DSC1: variants seen among roughly 807,000 people sequenced by gnomAD.
The protein encoded by DSC1 is desmocollin 1.
DSC1 carries 79 observed loss-of-function variants against 98.8 expected under a neutral mutation model. The observed-to-expected ratio is 0.80, with a 90% CI of 0.67 to 0.96. DSC1 has a LOEUF of 0.96. DSC1 is among the 50% of genes least tolerant of loss of function. The pLI, the probability that DSC1 is intolerant of heterozygous loss-of-function variation, is 0.00. For missense variants in DSC1, 1,115 were observed against 1,075.9 expected (o/e 1.04, Z -0.51); for synonymous variants, 405 against 372.1 (o/e 1.09, Z -1.02).
rs769486740 is a variant in DSC1, at chr18:31,132,633, G to A, written c.2173C>T (p.Pro725Ser). The change falls in exon 14 of 16, where the codon CCA becomes TCA. Residue 725 changes from proline to serine, a missense_variant. Coordinates refer to ENST00000257198, the MANE Select transcript of DSC1 (RefSeq NM_024421.2). ...AAATTTTGCTGGGCTATGTCTTCTG[G>A]AAAACATTTCTTGACTGTTCTCTTA... ...TAKRTVKKCF[P>S]EDIAQQNLIV... 4.3e-6 allele frequency: 7 copies of A among 1,613,226 alleles called. No homozygotes were observed. The Admixed American group carries it at 1.2e-4, about 27-fold the overall frequency.
In DSC1 at chr18:31,131,702, T is replaced by C. The variant is rs16961335; in HGVS notation, c.2379A>G (p.Lys793=). Residue 793 remains lysine (K), a synonymous_variant, in exon 15 of 16, where the codon AAA becomes AAG. Coordinates refer to ENST00000257198, the MANE Select transcript of DSC1 (RefSeq NM_024421.2). ...ACTCCAAGGTCTGATGTCCACCTCC[T>C]TTGTTGGAATCCAAAGTGTAGCCTC... ...VKGGYTLDSN[K]GGGHQTLESV... 9.0e-3 allele frequency: 14,593 copies of C among 1,614,040 alleles called. 1,020 individuals are homozygous for C. The African/African-American group carries it at 0.16, about 18-fold the overall frequency.
At chr18:31,152,353 T>A (rs1989017671) in intron 5 of DSC1, among the ~76,000 whole-genome samples, 1 of 152,192 alleles carries the variant, frequency 6.6e-6, no homozygotes, top group Non-Finnish European at 1.5e-5. Context: ...TCCCTTCTTA[T>A]ATAACTATTC....
At chr18:31,130,816 A>T in intron 15 of DSC1, 105 bp from the exon 16 acceptor site, 2 of 1,612,082 alleles carry the variant, frequency 1.2e-6, no homozygotes, top group Non-Finnish European at 1.7e-6. Context: ...ATTTTTAATC[A>T]GAGTGTGTCC....
chr18:31,149,818 T>C (rs77655348), intron 5 of DSC1, among the ~76,000 whole-genome samples: 1,903 of 152,302 alleles, frequency 0.012, 34 homozygotes, highest in African/African-American at 0.044. Context: ...GAATGGAATG[T>C]ATTAAAATAA....
At chr18:31,133,466 A>C (rs1288711231) in intron 13 of DSC1, among the ~76,000 whole-genome samples, 1 of 152,148 alleles carries the variant, frequency 6.6e-6, no homozygotes, top group Non-Finnish European at 1.5e-5. Flanking sequence ...TATGGAACAG[A>C]AATATCTGAG....
At chr18:31,133,760 T>G in intron 13 of DSC1, 131 bp downstream of exon 13, 2 of 945,346 alleles carry the variant, frequency 2.1e-6, no homozygotes, top group Non-Finnish European at 3.0e-6. Flanking sequence ...CCCCAAGACA[T>G]AAAATAGATA....
At chr18:31,133,771 C>T in intron 13 of DSC1, 120 bp downstream of exon 13, 1 of 1,014,192 alleles carries the variant, frequency 9.9e-7, no homozygotes. Context: ...AAAATAGATA[C>T]AATATTTTTA....
chr18:31,131,490 A>T (rs1217378715), intron 15 of DSC1, 104 bp downstream of exon 15: 3 of 1,393,150 alleles, frequency 2.2e-6, no homozygotes, highest in African/African-American at 2.8e-5. Flanking sequence ...CAGGTAAAAG[A>T]TGTTGAATTC....
chr18:31,141,901 T>A (rs956258681), intron 9 of DSC1, 98 bp downstream of exon 9: 11 of 1,177,990 alleles, frequency 9.3e-6, no homozygotes, highest in Non-Finnish European at 1.3e-5. Flanking sequence ...GGCCTTGCAC[T>A]GCAGTAGTCT....
rs768315935 is a variant in DSC1 at position 31,134,007 on chromosome 18, C to T, written c.2000G>A (p.Cys667Tyr). 1 of 1,613,302 alleles carries T rather than the reference C, an allele frequency of 6.2e-7. No homozygotes were observed. Among genetic ancestry groups the T allele is most frequent in the Non-Finnish European group, 8.5e-7 (1 of 1,179,642 alleles). The change falls in exon 13 of 16, where the codon TGT becomes TAT. Residue 667 changes from cysteine to tyrosine, a missense_variant. Cys to Tyr is a radical substitution (Grantham distance 194). Coordinates refer to ENST00000257198, the MANE Select transcript of DSC1 (RefSeq NM_024421.2). ...THMLTVRVCD[C>Y]STPSECRMKD... ...CATTCTACACTCAGATGGAGTTGAA[C>T]AGTCACATACTCTCACTGTTAACAT...
intron 11 of DSC1, among the ~76,000 whole-genome samples, chr18:31,138,617 TAA>T (rs35838282): frequency 0.013 from 1,974 of 149,176 alleles, 35 homozygotes; most frequent in African/African-American, 0.046. Flanking sequence ...ATTTTGTTAT[TAA>T]AAAAAAAAAC....
chr18:31,131,375 G>A lies in DSC1; in HGVS notation c.2487+219C>T, dbSNP rs543349293. On this transcript the variant is annotated intron_variant, in intron 15 of 15. Coordinates refer to ENST00000257198, the MANE Select transcript of DSC1 (RefSeq NM_024421.2). ...TCCTTTGTAAACACATCTACATATG[G>A]CACTCCTAGATAAAGTTTTGTAAAC... is the stretch of plus-strand genomic sequence containing the variant. 14 of 604,010 alleles carry A rather than the reference G, an allele frequency of 2.3e-5. No individual in the cohort carries two copies. The African/African-American group carries it at 2.6e-4, about 11-fold the overall frequency. 37.4% of individuals were successfully genotyped at this position (604,010 alleles called of 1,614,324 possible). A position where few individuals can be genotyped will look rare whatever the true frequency, so the allele number is the denominator to read the frequency against.
At chr18:31,146,344 C>T (rs548209107) in intron 6 of DSC1, among the ~76,000 whole-genome samples, 1 of 152,224 alleles carries the variant, frequency 6.6e-6, no homozygotes, top group Admixed American at 6.5e-5. Flanking sequence ...TGGTATTTAG[C>T]TTTCTGTTTG....
chr18:31,148,384 A>T, intron 6 of DSC1, 114 bp downstream of exon 6: 1 of 1,301,400 alleles, frequency 7.7e-7, no homozygotes, highest in Non-Finnish European at 1.0e-6. Flanking sequence ...GTATGTAATC[A>T]GAAATACCAG....
rs115197940 is a variant in DSC1 at position 31,149,138 on chromosome 18, A to C, written c.628-496T>G. Reference sequence around the variant, plus strand: ...TAAAAATGTTAATAAAAGCATATACATACCAGAAATTCCATTTCAAAATGA... The same window carrying C: ...TAAAAATGTTAATAAAAGCATATACCTACCAGAAATTCCATTTCAAAATGA... On this transcript the variant is annotated intron_variant, in intron 5 of 15. Coordinates refer to ENST00000257198, the MANE Select transcript of DSC1 (RefSeq NM_024421.2). 9.8e-3 allele frequency among the ~76,000 whole-genome samples: 1,490 copies of C among 152,330 alleles called. 25 individuals are homozygous for C. The highest frequency in any genetic ancestry group is 0.035 in the African/African-American group (1,442 of 41,578).
chr18:31,147,519 C>T (rs987993567), intron 6 of DSC1, among the ~76,000 whole-genome samples: 3 of 151,944 alleles, frequency 2.0e-5, no homozygotes, highest in Non-Finnish European at 4.4e-5. Context: ...AAAACTAGAA[C>T]GTTTTATGTA....
chr18:31,134,865 T>C (rs1374863008), intron 11 of DSC1, 81 bp from the exon 12 acceptor site: 3 of 1,322,002 alleles, frequency 2.3e-6, no homozygotes, highest in Admixed American at 2.1e-5. Context: ...ACAGTTGACA[T>C]CTGCTTTCTA....
Position 31,142,072 on chromosome 18 carries a change from T to C in DSC1, c.1187A>G (p.Gln396Arg), listed in dbSNP as rs1988748875. ...TATGAAGTTTCCATTTTCATTTCCT[T>C]GTAGGATTTTGTATACAGCCTTTGA... ...PHSKAVYKIL[Q>R]GNENGNFIIS... The change falls in exon 9 of 16, where the codon CAA becomes CGA. Residue 396 changes from glutamine to arginine, a missense_variant. By Grantham distance (43) the Gln-to-Arg change is conservative (BLOSUM62 1). Transcript: ENST00000257198. 1.2e-6 allele frequency: 2 copies of C among 1,613,072 alleles called. No homozygotes were observed. Among genetic ancestry groups the C allele is most frequent in the Admixed American group, 3.3e-5 (2 of 59,754 alleles).
chr18:31,145,566 T>C (rs753093025), intron 7 of DSC1, 45 bp downstream of exon 7: 4 of 1,604,208 alleles, frequency 2.5e-6, no homozygotes, highest in African/African-American at 2.7e-5. Flanking sequence ...TCATTCTCAG[T>C]TTAAATGTAG....
Sources: gnomAD v4.1 joint callset for allele counts (sites outside exome capture counted in the v4.1 genomes callset) on GRCh38, gnomAD v4.1.1 for gene constraint, MANE v1.5 for transcripts, NCBI Gene and HGNC (gene_info 2026-07-23, HGNC 2026-07-21) for gene names.